MYO18A: variants seen among roughly 807,000 people sequenced by gnomAD.
The protein encoded by MYO18A is myosin XVIIIA.
In MYO18A, 78 loss-of-function variants were observed where a neutral mutation model predicts 235.8. The ratio of observed to expected loss-of-function variants is 0.33; its 90% CI spans 0.28 to 0.40. The LOEUF (loss-of-function observed/expected upper bound fraction) is 0.40, where lower values mean the gene tolerates loss of function less well. MYO18A is among the 10% of genes least tolerant of loss of function. MYO18A has a pLI of 1.00. For missense variants in MYO18A, 2,215 were observed against 2,699.3 expected, an observed-to-expected ratio of 0.82 and a Z score of 3.98; for synonymous variants, 977 against 1,077.8, an observed-to-expected ratio of 0.91 and a Z score of 1.83.
At chr17:29,083,204 C>A (rs970067751) in intron 40 of MYO18A, among the ~76,000 whole-genome samples, 2 of 152,182 alleles carry the variant, frequency 1.3e-5, no homozygotes, top group Non-Finnish European at 2.9e-5. Flanking sequence ...AAGGTCTCCT[C>A]TTCCGTCCTC....
intron 10 of MYO18A, 45 bp from the exon 11 acceptor site, chr17:29,116,500 G>A: frequency 5.0e-6 from 8 of 1,613,700 alleles, no homozygotes; most frequent in South Asian, 1.1e-5. Context: ...GAAAAACAGT[G>A]TGTTAGCAAA....
chr17:29,112,934 G>A (rs1186104677), intron 15 of MYO18A, among the ~76,000 whole-genome samples: 1 of 152,236 alleles, frequency 6.6e-6, no homozygotes, highest in Non-Finnish European at 1.5e-5. Flanking sequence ...TGGGAAGACA[G>A]GCTTGGCACC....
chr17:29,102,535 GA>G (rs1258031229), intron 21 of MYO18A, among the ~76,000 whole-genome samples: 2 of 152,184 alleles, frequency 1.3e-5, no homozygotes, highest in Non-Finnish European at 2.9e-5. Flanking sequence ...ACACAAACCA[GA>G]AAATGACACA....
At chr17:29,155,431 T>C (rs533519891) in intron 2 of MYO18A, 1 of 152,492 alleles carries the variant, frequency 6.6e-6, no homozygotes, top group East Asian at 1.9e-4. Flanking sequence ...TGCCGCCCTG[T>C]GTGGACCCTG....
intron 2 of MYO18A, among the ~76,000 whole-genome samples, chr17:29,143,397 T>C (rs2067783372): frequency 6.7e-6 from 1 of 149,228 alleles, no homozygotes; most frequent in Non-Finnish European, 1.5e-5. Context: ...CGTGCCACCA[T>C]GTAGGTTTTT....
intron 2 of MYO18A, among the ~76,000 whole-genome samples, chr17:29,135,450 A>G (rs2067575547): frequency 6.6e-6 from 1 of 152,250 alleles, no homozygotes; most frequent in Admixed American, 6.5e-5. Flanking sequence ...ATAGTTAAAA[A>G]TTAGGAAATG....
intron 15 of MYO18A, among the ~76,000 whole-genome samples, chr17:29,112,424 G>A (rs948272866): frequency 3.9e-5 from 6 of 152,236 alleles, no homozygotes; most frequent in Admixed American, 3.3e-4. Flanking sequence ...CTTAACGGAC[G>A]TGGCAGCCAA....
At chr17:29,130,474 CCACACACACA>C (rs71135871) in intron 2 of MYO18A, among the ~76,000 whole-genome samples, 22,217 of 142,150 alleles carry the variant, frequency 0.16, 1,797 homozygotes, top group East Asian at 0.24. Context: ...GAGGCCTCTC[CCACACACACA>C]CACACACACA....
At chr17:29,122,708 T>C (rs2067230422) in intron 2 of MYO18A, among the ~76,000 whole-genome samples, 1 of 152,246 alleles carries the variant, frequency 6.6e-6, no homozygotes, top group South Asian at 2.1e-4. Context: ...ATCCAAATGA[T>C]AGGGCCTCCT....
intron 1 of MYO18A, among the ~76,000 whole-genome samples, chr17:29,174,232 G>A (rs1432649712): frequency 6.6e-6 from 1 of 152,214 alleles, no homozygotes; most frequent in Non-Finnish European, 1.5e-5. Context: ...CTGGCCAGGT[G>A]CAGCGGCTCA....
At chr17:29,088,359 T>C (rs1281218829) in intron 37 of MYO18A, among the ~76,000 whole-genome samples, 2 of 152,082 alleles carry the variant, frequency 1.3e-5, no homozygotes, top group Admixed American at 1.3e-4. Context: ...CAGCCGAAAA[T>C]AAGTTCTTAA....
chr17:29,132,820 A>G (rs1305961518), intron 2 of MYO18A, among the ~76,000 whole-genome samples: 2 of 152,136 alleles, frequency 1.3e-5, no homozygotes, highest in Non-Finnish European at 1.5e-5. Context: ...TTGGAATCGG[A>G]GCAGAGAAAG....
At chr17:29,104,406 C>T (rs1191300146) in intron 20 of MYO18A, among the ~76,000 whole-genome samples, 4 of 152,014 alleles carry the variant, frequency 2.6e-5, no homozygotes, top group East Asian at 1.9e-4. Context: ...CTGAGATTTC[C>T]AATTTACGTA....
Position 29,126,528 on chromosome 17 carries a change from C to T in MYO18A, c.1000-4275G>A, listed in dbSNP as rs1168944618. 6.6e-6 allele frequency among the ~76,000 whole-genome samples: 1 copy of T among 152,108 alleles called. No homozygotes were observed. Among genetic ancestry groups the T allele is most frequent in the African/African-American group, 2.4e-5 (1 of 41,422 alleles). On this transcript the variant is annotated intron_variant, in intron 2 of 41. Transcript: ENST00000527372. This position sits in a 1 kb window ranked among gnomAD's most constrained non-coding sequence, Gnocchi z 4.1. ...GGGGGAAGCGGCGGCTGGCTTTTCTCTAAGTGCTGCAATGCCCAGGAAGAA... is the reference window on the plus strand; with the variant it reads ...GGGGGAAGCGGCGGCTGGCTTTTCTTTAAGTGCTGCAATGCCCAGGAAGAA...
rs770633222 is a variant in MYO18A at position 29,166,068 on chromosome 17, C to G, written c.873G>C (p.Glu291Asp). The stretch of plus-strand genomic sequence containing the variant: ...CTGACTGCCGGATCATCTCCACAAT[C>G]TCATCCCTGGACTTGCTCTCCACAT... The part of the protein sequence containing the change: ...GHNVESKSRD[E>D]IVEMIRQSGD... Residue 291 changes from glutamate (E) to aspartate (D), a missense_variant, in exon 2 of 42, where the codon GAG (glutamate) becomes GAC (aspartate). Physicochemically the swap from Glu to Asp is conservative, Grantham distance 45. Transcript: ENST00000527372. 1 of 1,613,810 alleles carries G rather than the reference C, an allele frequency of 6.2e-7. No homozygotes were observed. Among genetic ancestry groups the G allele is most frequent in the East Asian group, 2.2e-5 (1 of 44,880 alleles).
In MYO18A at chr17:29,098,813, G is replaced by T; in HGVS notation, c.3780+13C>A. 1 of 1,613,832 alleles carries T rather than the reference G, an allele frequency of 6.2e-7. No individual in the cohort carries two copies. The highest frequency in any genetic ancestry group is 8.5e-7 in the Non-Finnish European group (1 of 1,179,766). ...CCTACCCAGAGACTTGGCCCTCTCA[G>T]GCTGTCACATACGTCTTTGTTCCGG... On this transcript the variant is annotated intron_variant, in intron 23 of 41. Transcript: ENST00000527372.
intron 21 of MYO18A, among the ~76,000 whole-genome samples, chr17:29,101,846 T>C (rs961359063): frequency 6.6e-6 from 1 of 152,188 alleles, no homozygotes; most frequent in Non-Finnish European, 1.5e-5. Flanking sequence ...TTTGGGGGGT[T>C]AAGGGTCCTT....
At chr17:29,087,162 C>A (rs570644530) in intron 37 of MYO18A, 41 bp from the exon 38 acceptor site, 1 of 1,581,762 alleles carries the variant, frequency 6.3e-7, no homozygotes, top group Non-Finnish European at 8.6e-7. Context: ...GCAGGCAGGC[C>A]CATCAGCCAG....
intron 30 of MYO18A, 77 bp downstream of exon 30, chr17:29,094,573 C>T: frequency 6.9e-7 from 1 of 1,449,428 alleles, no homozygotes; most frequent in African/African-American, 1.4e-5. Flanking sequence ...ATCCTCTGGC[C>T]CATGCCTGAG....
Sources: allele counts gnomAD v4.1 joint callset (sites outside exome capture counted in the v4.1 genomes callset), GRCh38; gene constraint gnomAD v4.1.1; non-coding constraint Gnocchi (gnomAD v3.1); transcripts MANE v1.5; gene names NCBI Gene and HGNC (gene_info 2026-07-23, HGNC 2026-07-21).